SDK1: variants seen among roughly 807,000 people sequenced by gnomAD.
The protein encoded by SDK1 is protein sidekick-1.
In SDK1, 157 loss-of-function variants were observed where a neutral mutation model predicts 245.5. The observed-to-expected ratio is 0.64, with a 90% confidence interval of 0.56 to 0.73. The LOEUF (loss-of-function observed/expected upper bound fraction) is 0.73. Among genes scored for constraint, SDK1 ranks in the 30% least tolerant of loss-of-function variants. The pLI, the probability that SDK1 is intolerant of heterozygous loss-of-function variation, is 0.00. For synonymous variants in SDK1, 1,647 were observed against 1,278.5 expected (o/e 1.29, Z -6.15); for missense variants, 3,583 against 3,002.3 (o/e 1.19, Z -4.52).
chr7:4,092,170 G>T (rs1209539450), intron 22 of SDK1, among the ~76,000 whole-genome samples: 1 of 152,178 alleles, frequency 6.6e-6, no homozygotes, highest in Non-Finnish European at 1.5e-5. Context: ...ACGGGTGATT[G>T]AGAGAACTAG....
chr7:3,372,686 G>A (rs1781257046), intron 1 of SDK1, among the ~76,000 whole-genome samples: 2 of 152,160 alleles, frequency 1.3e-5, no homozygotes. Flanking sequence ...GAGAGTTGGA[G>A]TTTGTTACTT....
chr7:4,090,056 G>A (rs1781687108), intron 22 of SDK1, among the ~76,000 whole-genome samples: 1 of 152,190 alleles, frequency 6.6e-6, no homozygotes, highest in South Asian at 2.1e-4. Flanking sequence ...TTTTTGGCCA[G>A]AATGTGGGGG....
intron 22 of SDK1, among the ~76,000 whole-genome samples, chr7:4,109,988 A>G (rs1783231771): frequency 1.3e-5 from 2 of 152,296 alleles, no homozygotes; most frequent in South Asian, 4.1e-4. Context: ...GGCACCCTGC[A>G]GGCATCGCCA....
At chr7:3,409,035 A>G (rs867002134) in intron 1 of SDK1, among the ~76,000 whole-genome samples, 1 of 152,220 alleles carries the variant, frequency 6.6e-6, no homozygotes, top group East Asian at 1.9e-4. Context: ...GGCTGCTAAA[A>G]TGAAACATAA....
At chr7:3,763,723 T>A (rs1012192183) in intron 4 of SDK1, among the ~76,000 whole-genome samples, 2 of 152,186 alleles carry the variant, frequency 1.3e-5, no homozygotes, top group Non-Finnish European at 1.5e-5. Context: ...TTAGGGGTGG[T>A]GGTAAGAATG....
intron 13 of SDK1, among the ~76,000 whole-genome samples, chr7:3,986,367 A>G (rs116104825): frequency 1.2e-3 from 181 of 152,302 alleles, no homozygotes; most frequent in Non-Finnish European, 2.1e-3. Context: ...CATAATGACA[A>G]TGTAACCTCA....
chr7:3,884,095 T>G (rs549200862), intron 5 of SDK1, among the ~76,000 whole-genome samples: 35 of 126,126 alleles, frequency 2.8e-4, no homozygotes, highest in South Asian at 1.4e-3. Flanking sequence ...TTTTTTTTTT[T>G]TTTGAGACAG....
intron 1 of SDK1, among the ~76,000 whole-genome samples, chr7:3,612,722 G>C (rs1468494600): frequency 6.6e-6 from 1 of 152,164 alleles, no homozygotes; most frequent in Non-Finnish European, 1.5e-5. Flanking sequence ...AGTCGCCCTG[G>C]GAAATTCAGC....
intron 1 of SDK1, among the ~76,000 whole-genome samples, chr7:3,305,742 C>G (rs895527205): frequency 7.2e-5 from 11 of 152,172 alleles, no homozygotes; most frequent in Non-Finnish European, 1.5e-4. Flanking sequence ...GACAACTGGT[C>G]TCTTGGTTGG....
intron 1 of SDK1, among the ~76,000 whole-genome samples, chr7:3,605,910 G>A (rs1414476367): frequency 6.6e-6 from 1 of 151,410 alleles, no homozygotes; most frequent in African/African-American, 2.4e-5. Flanking sequence ...TTTAATTGAT[G>A]ATTTTTTAAG....
chr7:4,267,612 G>A lies in SDK1; in HGVS notation c.*2228G>A. The A allele has an allele frequency of 2.0e-6, 2 of 985,486 alleles. No homozygotes were observed. Among genetic ancestry groups the A allele is most frequent in the Non-Finnish European group, 2.4e-6 (2 of 829,950 alleles). The allele number at this position is 985,486 out of a possible 1,614,324, so 61.0% of individuals were successfully genotyped here. ...CTGCTTTCTGTGCACTCTGATGACT[G>A]CTCTCTGCAGCCATGAGGATGTGGC... On this transcript the variant is annotated 3_prime_UTR_variant, in exon 45 of 45. Coordinates refer to ENST00000404826, the MANE Select transcript of SDK1 (RefSeq NM_152744.4).
intron 1 of SDK1, among the ~76,000 whole-genome samples, chr7:3,358,427 ACGT>A (rs1780865307): frequency 9.4e-6 from 1 of 106,068 alleles, no homozygotes; most frequent in African/African-American, 5.3e-5. Flanking sequence ...AATCATTACA[ACGT>A]TTTTTTTTTT....
At chr7:3,740,912 A>G (rs1341807870) in intron 4 of SDK1, among the ~76,000 whole-genome samples, 1 of 152,108 alleles carries the variant, frequency 6.6e-6, no homozygotes, top group Non-Finnish European at 1.5e-5. Flanking sequence ...CTCAGATGAC[A>G]TTTTGTGGTT....
At chr7:3,517,744 A>G (rs1429077007) in intron 1 of SDK1, among the ~76,000 whole-genome samples, 5 of 152,134 alleles carry the variant, frequency 3.3e-5, no homozygotes, top group South Asian at 2.1e-4. Context: ...TTGTATTGCC[A>G]CTAGTGCTTC....
intron 1 of SDK1, among the ~76,000 whole-genome samples, chr7:3,304,772 T>A (rs1200251326): frequency 2.6e-5 from 4 of 152,208 alleles, no homozygotes; most frequent in African/African-American, 9.6e-5. Flanking sequence ...AGACACCTGC[T>A]GACTTCCTGG....
chr7:3,689,392 G>A (rs887025434), intron 4 of SDK1, among the ~76,000 whole-genome samples: 19 of 152,174 alleles, frequency 1.2e-4, no homozygotes, highest in Admixed American at 3.9e-4. Context: ...CCATCCTGCC[G>A]TTATAAGACA....
intron 1 of SDK1, among the ~76,000 whole-genome samples, chr7:3,524,065 A>G (rs927181907): frequency 2.0e-5 from 3 of 152,176 alleles, no homozygotes; most frequent in Non-Finnish European, 4.4e-5. Flanking sequence ...TGGTTCGTTC[A>G]ACAAATATTG....
intron 5 of SDK1, among the ~76,000 whole-genome samples, chr7:3,876,596 G>C (rs1451167069): frequency 6.6e-6 from 1 of 152,100 alleles, no homozygotes; most frequent in Non-Finnish European, 1.5e-5. Context: ...AACATCTTAA[G>C]ATATTTAGAG....
At chr7:3,556,652 C>G (rs1360895220) in intron 1 of SDK1, among the ~76,000 whole-genome samples, 4 of 151,910 alleles carry the variant, frequency 2.6e-5, no homozygotes, top group South Asian at 2.1e-4. Flanking sequence ...GAAACCTCGT[C>G]TCTACTAAAA....
Sources: allele counts gnomAD v4.1 joint callset (sites outside exome capture counted in the v4.1 genomes callset), GRCh38; gene constraint gnomAD v4.1.1; transcripts MANE v1.5; gene names NCBI Gene and HGNC (gene_info 2026-07-23, HGNC 2026-07-21).